The following THSD4 variants were observed in gnomAD, a reference collection of about 807,000 sequenced individuals.
THSD4 encodes the protein thrombospondin type-1 domain-containing protein 4.
THSD4 carries 69 observed loss-of-function variants against 119.0 expected under a neutral mutation model. That is an observed-to-expected ratio of 0.58 (90% CI 0.48 to 0.71). The LOEUF (loss-of-function observed/expected upper bound fraction) is 0.71, where lower values mean the gene tolerates loss of function less well. Ranked by LOEUF, THSD4 falls within the 30% of genes least tolerant of loss-of-function variation. The pLI is 0.00. For missense variants in THSD4, 1,393 were observed against 1,391.1 expected (o/e 1.00, Z -0.02); for synonymous variants, 524 against 540.4 (o/e 0.97, Z 0.42).
At chr15:71,602,373 G>A (rs759341410) in intron 7 of THSD4, among the ~76,000 whole-genome samples, 3 of 151,716 alleles carry the variant, frequency 2.0e-5, no homozygotes, top group Non-Finnish European at 2.9e-5. Flanking sequence ...GACCAACATG[G>A]AGAAACCCCG....
chr15:71,457,502 A>G (rs1425670173), intron 7 of THSD4, among the ~76,000 whole-genome samples: 3 of 151,582 alleles, frequency 2.0e-5, no homozygotes, highest in Non-Finnish European at 4.4e-5. Flanking sequence ...CTTGCTGTGG[A>G]CAACAGGGTC....
Position 71,710,260 on chromosome 15 carries a change from C to A in THSD4, c.1358-18289C>A, listed in dbSNP as rs937824937. ...TGTTCCAGGATGACCTCTGAGGACA[C>A]TTTGTAGAAATCTGGAAACTTAATG... On this transcript the variant is annotated intron_variant, in intron 8 of 17. Coordinates refer to ENST00000261862, the MANE Select transcript of THSD4 (RefSeq NM_024817.3). Among the ~76,000 whole-genome samples the A allele has an allele frequency of 1.4e-4, 22 of 152,180 alleles. 2 individuals are homozygous for A. The highest frequency in any genetic ancestry group is 1.4e-3 in the Admixed American group (21 of 15,280).
At chr15:71,720,779 A>G (rs1460671044) in intron 8 of THSD4, among the ~76,000 whole-genome samples, 3 of 152,224 alleles carry the variant, frequency 2.0e-5, no homozygotes, top group Non-Finnish European at 4.4e-5. Context: ...CTGGCATTGT[A>G]CTGGTGGCCA....
At chr15:71,710,664 T>C (rs1372414255) in intron 8 of THSD4, among the ~76,000 whole-genome samples, 1 of 152,230 alleles carries the variant, frequency 6.6e-6, no homozygotes, top group Non-Finnish European at 1.5e-5. Flanking sequence ...TCCCAAGCTC[T>C]GCATTCACAA....
intron 6 of THSD4, among the ~76,000 whole-genome samples, chr15:71,266,436 C>T (rs766630889): frequency 2.0e-5 from 3 of 151,952 alleles, no homozygotes; most frequent in Non-Finnish European, 4.4e-5. Flanking sequence ...AGGACGTCCA[C>T]GCAAAAACCA....
intron 15 of THSD4, among the ~76,000 whole-genome samples, chr15:71,761,958 T>A (rs2053633454): frequency 6.6e-6 from 1 of 152,208 alleles, no homozygotes; most frequent in Non-Finnish European, 1.5e-5. Flanking sequence ...CTGATCTCCA[T>A]GTCCACCACC....
chr15:71,615,532 A>AT (rs1285861864), intron 7 of THSD4, among the ~76,000 whole-genome samples: 6 of 152,114 alleles, frequency 3.9e-5, no homozygotes, highest in African/African-American at 1.4e-4. Context: ...CAGAATGAAT[A>AT]TTTTTTTAAA....
chr15:71,669,026 C>T (rs1217856653), intron 8 of THSD4, among the ~76,000 whole-genome samples: 1 of 152,070 alleles, frequency 6.6e-6, no homozygotes, highest in Non-Finnish European at 1.5e-5. Flanking sequence ...AGACTCTTGG[C>T]AGAAGAATTT....
intron 14 of THSD4, among the ~76,000 whole-genome samples, chr15:71,753,276 C>T (rs2053482663): frequency 6.6e-6 from 1 of 152,048 alleles, no homozygotes; most frequent in Admixed American, 6.5e-5. Context: ...CTTTTCAGTT[C>T]TACAAATCAA....
intron 15 of THSD4, among the ~76,000 whole-genome samples, chr15:71,763,395 C>G (rs1367777971): frequency 6.6e-6 from 1 of 152,004 alleles, no homozygotes; most frequent in East Asian, 1.9e-4. Flanking sequence ...ACATAGACCA[C>G]AGCTTTACAA....
chr15:71,568,903 A>T (rs982368565), intron 7 of THSD4, among the ~76,000 whole-genome samples: 5 of 152,154 alleles, frequency 3.3e-5, no homozygotes, highest in African/African-American at 9.7e-5. Flanking sequence ...ACAATCTTTA[A>T]AATGTTTCCT....
intron 6 of THSD4, among the ~76,000 whole-genome samples, chr15:71,294,951 G>A (rs1040818167): frequency 1.4e-5 from 2 of 147,198 alleles, no homozygotes; most frequent in East Asian, 4.0e-4. Context: ...ATACAGTCTT[G>A]TTTCCACCTT....
chr15:71,217,604 CAGAG>C (rs1025107774), intron 4 of THSD4, among the ~76,000 whole-genome samples: 9 of 146,724 alleles, frequency 6.1e-5, no homozygotes, highest in Non-Finnish European at 1.3e-4. Context: ...GCCTGGGCAA[CAGAG>C]AGAGACTCCG....
At chr15:71,505,412 G>C (rs1314462757) in intron 7 of THSD4, among the ~76,000 whole-genome samples, 1 of 152,192 alleles carries the variant, frequency 6.6e-6, no homozygotes, top group African/African-American at 2.4e-5. Flanking sequence ...CTTTTGTAGA[G>C]TTTGGGGAAG....
chr15:71,476,363 T>C (rs941430755), intron 7 of THSD4, among the ~76,000 whole-genome samples: 9 of 152,124 alleles, frequency 5.9e-5, no homozygotes, highest in Non-Finnish European at 1.0e-4. Context: ...TCCAGAGTAG[T>C]TGGGATTACT....
At chr15:71,571,845 C>T (rs2049364709) in intron 7 of THSD4, among the ~76,000 whole-genome samples, 1 of 152,200 alleles carries the variant, frequency 6.6e-6, no homozygotes, top group African/African-American at 2.4e-5. Flanking sequence ...GGAGATTCAG[C>T]TGCTGGGGTT....
At chr15:71,403,036 C>T (rs540047540) in intron 6 of THSD4, among the ~76,000 whole-genome samples, 2 of 152,256 alleles carry the variant, frequency 1.3e-5, no homozygotes, top group South Asian at 2.1e-4. Flanking sequence ...GGGTATTCTA[C>T]GCATTTCGTC....
intron 6 of THSD4, among the ~76,000 whole-genome samples, chr15:71,265,629 G>C (rs1265868211): frequency 2.0e-5 from 3 of 152,070 alleles, no homozygotes; most frequent in Non-Finnish European, 1.5e-5. Flanking sequence ...CTGGAAAGGG[G>C]GCTGAAGCCA....
At chr15:71,217,622 C>CAA (rs972986637) in intron 4 of THSD4, among the ~76,000 whole-genome samples, 6 of 95,578 alleles carry the variant, frequency 6.3e-5, no homozygotes, top group Non-Finnish European at 6.6e-5. Context: ...GACTCCGTCT[C>CAA]AAAAAAAAAA....
Sources: gnomAD v4.1 joint callset for allele counts (sites outside exome capture counted in the v4.1 genomes callset) on GRCh38, gnomAD v4.1.1 for gene constraint, MANE v1.5 for transcripts, NCBI Gene and HGNC (gene_info 2026-07-23, HGNC 2026-07-21) for gene names.